Variants in NRXN1 observed in about 807,000 individuals in gnomAD.
NRXN1 encodes neurexin 1.
Under a neutral mutation model 150.9 loss-of-function variants are expected in NRXN1, and 39 were observed. The ratio of observed to expected loss-of-function variants is 0.26; its 90% CI spans 0.20 to 0.34. The LOEUF (loss-of-function observed/expected upper bound fraction) is 0.34. NRXN1 is among the 10% of genes least tolerant of loss of function. The pLI, the probability that NRXN1 is intolerant of heterozygous loss-of-function variation, is 1.00. For missense variants in NRXN1, 1,815 were observed against 1,949.9 expected, an observed-to-expected ratio of 0.93 and a Z score of 1.30; for synonymous variants, 924 against 757.0, an observed-to-expected ratio of 1.22 and a Z score of -3.62.
chr2:50,167,708 G>C (rs1180088782), intron 18 of NRXN1, among the ~76,000 whole-genome samples: 1 of 152,110 alleles, frequency 6.6e-6, no homozygotes, highest in East Asian at 1.9e-4. Flanking sequence ...CTGTACACTA[G>C]AGTTAACTAG....
intron 17 of NRXN1, among the ~76,000 whole-genome samples, chr2:50,305,442 A>C (rs1486941947): frequency 6.6e-6 from 1 of 152,228 alleles, no homozygotes; most frequent in East Asian, 1.9e-4. Flanking sequence ...ATGATGATCC[A>C]ATAACTAGAT....
At chr2:50,489,658 C>A (rs1346307663) in intron 15 of NRXN1, among the ~76,000 whole-genome samples, 1 of 152,010 alleles carries the variant, frequency 6.6e-6, no homozygotes, top group African/African-American at 2.4e-5. Context: ...AGAGAGATTT[C>A]AAATAATATA....
chr2:50,872,584 G>T (rs1278659712), intron 5 of NRXN1, among the ~76,000 whole-genome samples: 2 of 151,454 alleles, frequency 1.3e-5, no homozygotes, highest in Admixed American at 6.6e-5. Context: ...TTTCCTTTAG[G>T]CCAGGGCTCA....
chr2:50,724,711 A>C (rs1303739384), intron 5 of NRXN1, among the ~76,000 whole-genome samples: 1 of 152,182 alleles, frequency 6.6e-6, no homozygotes, highest in Admixed American at 6.5e-5. Context: ...CAAACAATAC[A>C]CATGAACACT....
intron 12 of NRXN1, among the ~76,000 whole-genome samples, chr2:50,511,658 A>G (rs1199196005): frequency 3.9e-5 from 6 of 152,160 alleles, no homozygotes; most frequent in African/African-American, 1.4e-4. Context: ...CCATAAATTC[A>G]AGGTGTCTCT....
intron 2 of NRXN1, among the ~76,000 whole-genome samples, chr2:51,010,805 T>C (rs1229764975): frequency 6.6e-6 from 1 of 151,808 alleles, no homozygotes; most frequent in Admixed American, 6.6e-5. Flanking sequence ...GCTTTTTTTT[T>C]TTTTGGTCTT....
intron 5 of NRXN1, among the ~76,000 whole-genome samples, chr2:50,744,384 T>C (rs1048818804): frequency 6.6e-6 from 1 of 152,056 alleles, no homozygotes; most frequent in African/African-American, 2.4e-5. Context: ...GGTCAATATA[T>C]GTAAGAAAAT....
chr2:50,362,972 T>C (rs1316522087), intron 17 of NRXN1, among the ~76,000 whole-genome samples: 1 of 151,976 alleles, frequency 6.6e-6, no homozygotes, highest in African/African-American at 2.4e-5. Flanking sequence ...ACAAACCTGA[T>C]GAAAACAAGC....
intron 18 of NRXN1, among the ~76,000 whole-genome samples, chr2:50,182,303 T>G (rs2060783061): frequency 6.6e-6 from 1 of 151,988 alleles, no homozygotes; most frequent in Non-Finnish European, 1.5e-5. Context: ...ATTTTACATG[T>G]GGCATTCATC....
chr2:50,120,171 A>G (rs1703667405), intron 18 of NRXN1, among the ~76,000 whole-genome samples: 2 of 152,204 alleles, frequency 1.3e-5, no homozygotes, highest in African/African-American at 4.8e-5. Flanking sequence ...TCTCATTTCA[A>G]TGCAATGCTT....
chr2:50,943,648 T>G (rs958537569), intron 2 of NRXN1, among the ~76,000 whole-genome samples: 2 of 152,172 alleles, frequency 1.3e-5, no homozygotes, highest in East Asian at 1.9e-4. Context: ...TAGATCTTGA[T>G]GAGAAGCAAT....
At chr2:50,796,019 G>C (rs1321403362) in intron 5 of NRXN1, among the ~76,000 whole-genome samples, 1 of 152,068 alleles carries the variant, frequency 6.6e-6, no homozygotes, top group African/African-American at 2.4e-5. Flanking sequence ...CACCAGTCAA[G>C]TCTGGGGGAA....
intron 18 of NRXN1, among the ~76,000 whole-genome samples, chr2:50,230,467 A>G (rs2064833257): frequency 6.6e-6 from 1 of 152,070 alleles, no homozygotes; most frequent in African/African-American, 2.4e-5. Context: ...ACAAAGGAAT[A>G]ATATGATCAA....
chr2:50,674,164 T>A (rs893453959), intron 5 of NRXN1, among the ~76,000 whole-genome samples: 1 of 152,084 alleles, frequency 6.6e-6, no homozygotes, highest in Non-Finnish European at 1.5e-5. Context: ...GTTTACAAGG[T>A]ATCATGGCAT....
chr2:50,791,358 T>C (rs1415723864), intron 5 of NRXN1, among the ~76,000 whole-genome samples: 1 of 149,772 alleles, frequency 6.7e-6, no homozygotes, highest in Non-Finnish European at 1.5e-5. Context: ...TATAAGTAGA[T>C]CTCTAGTTCT....
chr2:50,004,856 T>A (rs1684506807), intron 21 of NRXN1, among the ~76,000 whole-genome samples: 1 of 152,146 alleles, frequency 6.6e-6, no homozygotes. Flanking sequence ...TAACTTAGAC[T>A]TTTTCAGGAA....
intron 5 of NRXN1, among the ~76,000 whole-genome samples, chr2:50,726,162 C>G (rs946240721): frequency 6.6e-6 from 1 of 152,124 alleles, no homozygotes; most frequent in African/African-American, 2.4e-5. Context: ...TAGCGAGGAC[C>G]TGTTAATGTG....
At chr2:50,433,444 A>G (rs2085147569) in intron 17 of NRXN1, among the ~76,000 whole-genome samples, 1 of 152,214 alleles carries the variant, frequency 6.6e-6, no homozygotes, top group Non-Finnish European at 1.5e-5. Flanking sequence ...TACATAAAAT[A>G]CTATTTGGTA....
chr2:50,115,459 T>A (rs1702933454), intron 18 of NRXN1, among the ~76,000 whole-genome samples: 1 of 151,864 alleles, frequency 6.6e-6, no homozygotes, highest in Admixed American at 6.6e-5. Context: ...TCTCATTTAA[T>A]ATCCACAACA....
Sources: gnomAD v4.1 joint callset for allele counts (sites outside exome capture counted in the v4.1 genomes callset) on GRCh38, gnomAD v4.1.1 for gene constraint, MANE v1.5 for transcripts, NCBI Gene and HGNC (gene_info 2026-07-23, HGNC 2026-07-21) for gene names.